KCTD20: variants seen among roughly 807,000 people sequenced by gnomAD.
KCTD20 encodes the protein BTB/POZ domain-containing protein KCTD20.
Under a neutral mutation model 39.6 loss-of-function variants are expected in KCTD20, and 30 were observed. The ratio of observed to expected loss-of-function variants is 0.76; its 90% confidence interval spans 0.57 to 1.03. The LOEUF (loss-of-function observed/expected upper bound fraction) is 1.03. Ranked by LOEUF, KCTD20 falls within the 50% of genes least tolerant of loss-of-function variation. The pLI is 0.00. For missense variants in KCTD20, 422 were observed against 522.0 expected (o/e 0.81, Z 1.87); for synonymous variants, 162 against 180.6 (o/e 0.90, Z 0.83).
intron 7 of KCTD20, among the ~76,000 whole-genome samples, chr6:36,485,955 A>T (rs1213220393): frequency 6.6e-6 from 1 of 152,004 alleles, no homozygotes; most frequent in African/African-American, 2.4e-5. Context: ...CTTACACTGG[A>T]GTACAGTGAC....
chr6:36,483,045 G>A (rs973249452), intron 6 of KCTD20, among the ~76,000 whole-genome samples: 1 of 150,482 alleles, frequency 6.6e-6, no homozygotes, highest in Non-Finnish European at 1.5e-5. Flanking sequence ...TTTGAACCCA[G>A]GAGGCAGACG....
chr6:36,481,021 G>C (rs1454441420), intron 5 of KCTD20, among the ~76,000 whole-genome samples: 2 of 152,182 alleles, frequency 1.3e-5, no homozygotes, highest in African/African-American at 2.4e-5. Context: ...CAAACTCCAT[G>C]CTCTTATTAC....
chr6:36,470,899 C>T (rs1174069202), intron 2 of KCTD20, among the ~76,000 whole-genome samples: 1 of 152,166 alleles, frequency 6.6e-6, no homozygotes, highest in African/African-American at 2.4e-5. Flanking sequence ...CCTATAATCC[C>T]AGCACTTTGG....
At chr6:36,472,902 A>AT (rs59683179) in intron 2 of KCTD20, among the ~76,000 whole-genome samples, 59,115 of 150,554 alleles carry the variant, frequency 0.39, 12,918 homozygotes, top group African/African-American at 0.56. Flanking sequence ...TATATATATA[A>AT]TTTTTTTTTC....
intron 2 of KCTD20, among the ~76,000 whole-genome samples, chr6:36,472,788 C>T (rs1166396305): frequency 1.3e-5 from 2 of 152,054 alleles, no homozygotes; most frequent in African/African-American, 4.8e-5. Context: ...TAAAAGAACC[C>T]TTTGGTAATC....
At chr6:36,465,591 T>C (rs1049374954) in intron 1 of KCTD20, 2 of 152,074 alleles carry the variant, frequency 1.3e-5, no homozygotes, top group African/African-American at 4.8e-5. Flanking sequence ...ACCAGTACAT[T>C]CTTTTTTAGG....
intron 1 of KCTD20, chr6:36,465,833 G>A (rs1399889087): frequency 1.3e-5 from 2 of 152,118 alleles, no homozygotes; most frequent in Admixed American, 1.3e-4. Context: ...TGGAAGTGAA[G>A]CATGAACTGG....
Position 36,479,228 on chromosome 6 carries a change from G to A in KCTD20, c.537+5G>A. On this transcript the variant is annotated splice_donor_5th_base_variant and intron_variant, in intron 4 of 7. Coordinates refer to ENST00000373731, the MANE Select transcript of KCTD20 (RefSeq NM_173562.5). ...ACTGTATTTCGCACAGTGCTGGTGT[G>A]TGGTAGCCTTTTTTGTTACATTCTC... 6.3e-7 allele frequency: 1 copy of A among 1,596,660 alleles called. No homozygotes were observed. Among genetic ancestry groups the A allele is most frequent in the Non-Finnish European group, 8.6e-7 (1 of 1,168,718 alleles).
intron 1 of KCTD20, among the ~76,000 whole-genome samples, chr6:36,456,280 A>C (rs1374532396): frequency 1.3e-5 from 2 of 152,084 alleles, no homozygotes; most frequent in Non-Finnish European, 2.9e-5. Flanking sequence ...CCATCGCTAA[A>C]AAATTAGCTT....
Position 36,479,136 on chromosome 6 carries a change from AAG to A in KCTD20, c.455_456del (p.Glu152ValfsTer8). On this transcript the variant is annotated frameshift_variant, in exon 4 of 8. Coordinates refer to ENST00000373731, the MANE Select transcript of KCTD20 (RefSeq NM_173562.5). LOFTEE classifies it high-confidence loss of function. ...TMLGRMFGPGREYNFTRPNEK... is the reference protein window; with the variant it reads ...TMLGRMFGPGXEYNFTRPNEK... ...TATCTTTCAGGATGTTTGGACCAGG[AAG>A]AGAGTACAACTTCACTCGGCCCAAT... 1 of 1,611,506 alleles carries A rather than the reference AAG, an allele frequency of 6.2e-7. No homozygotes were observed. Among genetic ancestry groups the A allele is most frequent in the Non-Finnish European group, 8.5e-7 (1 of 1,177,786 alleles).
intron 1 of KCTD20, among the ~76,000 whole-genome samples, chr6:36,465,038 C>A (rs1232129688): frequency 6.6e-6 from 1 of 152,128 alleles, no homozygotes; most frequent in Non-Finnish European, 1.5e-5. Context: ...TGGCTCACGC[C>A]TGTAATCCCA....
chr6:36,462,313 C>T (rs1775624243), intron 1 of KCTD20, among the ~76,000 whole-genome samples: 1 of 152,010 alleles, frequency 6.6e-6, no homozygotes, highest in South Asian at 2.1e-4. Flanking sequence ...TCTCATTTCG[C>T]TTTTGGGTTT....
chr6:36,481,537 G>A (rs763334484), intron 5 of KCTD20, 25 bp from the exon 6 acceptor site: 1 of 1,563,220 alleles, frequency 6.4e-7, no homozygotes, highest in African/African-American at 1.4e-5. Context: ...CAGAAAGCAT[G>A]TTCACCTACA....
In KCTD20 at chr6:36,469,235, T is replaced by C. The variant is rs559783464; in HGVS notation, c.-46-817T>C. Among the ~76,000 whole-genome samples, 2 of 152,328 alleles carry C rather than the reference T, an allele frequency of 1.3e-5. No homozygotes were observed. Among genetic ancestry groups the C allele is most frequent in the Admixed American group, 6.5e-5 (1 of 15,298 alleles). On this transcript the variant is annotated intron_variant, in intron 1 of 7. Coordinates refer to ENST00000373731, the MANE Select transcript of KCTD20 (RefSeq NM_173562.5). The surrounding 1 kb of genome is among the most constrained non-coding windows in gnomAD (Gnocchi z 4.6). ...CAGTGTAAACTGTGAAAGTGCTAAG[T>C]AGAGTGAACTTCAGAAATATTTTGA...
chr6:36,463,387 T>G (rs902121762), intron 1 of KCTD20, among the ~76,000 whole-genome samples: 2 of 152,230 alleles, frequency 1.3e-5, no homozygotes, highest in Non-Finnish European at 2.9e-5. Flanking sequence ...TATGGTATTT[T>G]ATTTGGTAGA....
chr6:36,443,276 A>C (rs1774929722), intron 1 of KCTD20, 165 bp downstream of exon 1: 2 of 151,262 alleles, frequency 1.3e-5, no homozygotes, highest in African/African-American at 2.4e-5. Flanking sequence ...GCTGGGCGCG[A>C]GGAACCTGTG....
intron 5 of KCTD20, among the ~76,000 whole-genome samples, chr6:36,481,139 T>G (rs1776233693): frequency 6.6e-6 from 1 of 152,248 alleles, no homozygotes. Flanking sequence ...CTGAGTGTAT[T>G]ACACATTTAG....
At chr6:36,460,219 C>G (rs1055389995) in intron 1 of KCTD20, among the ~76,000 whole-genome samples, 1 of 152,146 alleles carries the variant, frequency 6.6e-6, no homozygotes, top group African/African-American at 2.4e-5. Flanking sequence ...TAAGTTCAAT[C>G]AAAAGAGGAA....
At chr6:36,485,654 C>T (rs763259944) in intron 7 of KCTD20, among the ~76,000 whole-genome samples, 1 of 151,954 alleles carries the variant, frequency 6.6e-6, no homozygotes, top group East Asian at 1.9e-4. Flanking sequence ...CAACCATGCC[C>T]GGCTAATTTC....
Sources: gnomAD v4.1 joint callset for allele counts (sites outside exome capture counted in the v4.1 genomes callset) on GRCh38, gnomAD v4.1.1 for gene constraint, Gnocchi (gnomAD v3.1) non-coding constraint, MANE v1.5 for transcripts, NCBI Gene and HGNC (gene_info 2026-07-23, HGNC 2026-07-21) for gene names.